Variants in FHIT observed in about 807,000 individuals in gnomAD.
The protein encoded by FHIT is bis(5'-adenosyl)-triphosphatase.
In FHIT, 19 loss-of-function variants were observed where a neutral mutation model predicts 17.9. The observed-to-expected ratio is 1.06, with a 90% CI of 0.74 to 1.56. The LOEUF (loss-of-function observed/expected upper bound fraction) is 1.56. Ranked by LOEUF, FHIT falls within the 40% of genes most tolerant of loss-of-function variation. FHIT has a pLI of 0.00. For synonymous variants in FHIT, 81 were observed against 69.7 expected (o/e 1.16, Z -0.81); for missense variants, 248 against 189.2 (o/e 1.31, Z -1.82).
At chr3:60,935,186 A>T (rs573960218) in intron 3 of FHIT, among the ~76,000 whole-genome samples, 69 of 152,328 alleles carry the variant, frequency 4.5e-4, no homozygotes, top group African/African-American at 1.6e-3. Flanking sequence ...CATTACAGTT[A>T]TTGTCAAATA....
chr3:59,984,037 C>T (rs182805301), intron 7 of FHIT, among the ~76,000 whole-genome samples: 2 of 152,220 alleles, frequency 1.3e-5, no homozygotes, highest in East Asian at 3.9e-4. Flanking sequence ...CTTAACTTTC[C>T]TGTGAATAAT....
chr3:60,935,353 C>T (rs988979705), intron 3 of FHIT, among the ~76,000 whole-genome samples: 1 of 152,100 alleles, frequency 6.6e-6, no homozygotes, highest in Admixed American at 6.6e-5. Flanking sequence ...ATTCCACTCT[C>T]GAGGTACACA....
At chr3:60,126,352 C>G (rs570824092) in intron 5 of FHIT, among the ~76,000 whole-genome samples, 2 of 152,118 alleles carry the variant, frequency 1.3e-5, no homozygotes, top group South Asian at 4.1e-4. Flanking sequence ...TTCTCTGGAG[C>G]GCAGCCTCAG....
At chr3:60,043,445 T>A (rs913340194) in intron 5 of FHIT, among the ~76,000 whole-genome samples, 63 of 152,190 alleles carry the variant, frequency 4.1e-4, no homozygotes, top group African/African-American at 1.5e-3. Flanking sequence ...TTTCACAAGG[T>A]GAGACTGATA....
Position 60,785,922 on chromosome 3 carries a change from C to T in FHIT, c.-18+35997G>A, listed in dbSNP as rs561674147. On this transcript the variant is annotated intron_variant, in intron 4 of 9. Transcript: ENST00000492590. ...ACACACACACACACACACACACACACACACACACACACAGAGAGAGTACTT... is the reference window on the plus strand; with the variant it reads ...ACACACACACACACACACACACACATACACACACACACAGAGAGAGTACTT... 5.6e-3 allele frequency among the ~76,000 whole-genome samples: 833 copies of T among 149,460 alleles called. 10 individuals are homozygous for T. The highest frequency in any genetic ancestry group is 0.019 in the African/African-American group (760 of 39,566).
At chr3:60,549,045 A>C (rs1041042198) in intron 4 of FHIT, among the ~76,000 whole-genome samples, 2 of 152,190 alleles carry the variant, frequency 1.3e-5, no homozygotes, top group Non-Finnish European at 2.9e-5. Flanking sequence ...AAAGCACTTA[A>C]ATATTTGATA....
chr3:59,752,319 G>A lies in FHIT; in HGVS notation c.351C>T (p.Leu117=), dbSNP rs1405239812. 6.2e-7 allele frequency: 1 copy of A among 1,608,668 alleles called. No homozygotes were observed. The highest frequency in any genetic ancestry group is 8.5e-7 in the Non-Finnish European group (1 of 1,178,146). ...FHRNDSIYEE[L]QKHDKEDFPA... The stretch of plus-strand genomic sequence containing the variant: ...GAAAGTCCTCCTTGTCATGTTTCTG[G>A]AGCTTTGGAGAAAAAAAAAGGAAGA... The change falls in exon 9 of 10, where the codon CTC becomes CTT. Residue 117 remains leucine (L), a splice_region_variant and synonymous_variant. Transcript: ENST00000492590.
chr3:59,864,758 G>A (rs1015919312), intron 8 of FHIT, among the ~76,000 whole-genome samples: 1 of 151,118 alleles, frequency 6.6e-6, no homozygotes, highest in Non-Finnish European at 1.5e-5. Context: ...TTCTGTGGAA[G>A]AAGGAAGAGG....
At chr3:60,595,385 T>A (rs553168542) in intron 4 of FHIT, among the ~76,000 whole-genome samples, 5 of 151,212 alleles carry the variant, frequency 3.3e-5, no homozygotes, top group African/African-American at 4.8e-5. Flanking sequence ...TTTTTTTTTT[T>A]TATACTTGGC....
intron 5 of FHIT, among the ~76,000 whole-genome samples, chr3:60,463,327 A>G (rs2734383): frequency 0.044 from 6,731 of 152,292 alleles, 184 homozygotes; most frequent in Middle Eastern, 0.1. Flanking sequence ...TGATATATCT[A>G]TACTTATTTC....
intron 8 of FHIT, among the ~76,000 whole-genome samples, chr3:59,817,330 TAC>T (rs1700634559): frequency 6.6e-6 from 1 of 152,018 alleles, no homozygotes; most frequent in Admixed American, 6.6e-5. Context: ...TACATGTTAT[TAC>T]CAGTTGGAAC....
intron 5 of FHIT, among the ~76,000 whole-genome samples, chr3:60,507,205 G>C (rs2034767983): frequency 6.6e-6 from 1 of 152,160 alleles, no homozygotes; most frequent in Non-Finnish European, 1.5e-5. Context: ...TTGGTAGAAT[G>C]AACAGGAGTT....
chr3:61,017,247 C>T (rs1394559107), intron 3 of FHIT, among the ~76,000 whole-genome samples: 3 of 152,160 alleles, frequency 2.0e-5, no homozygotes, highest in Admixed American at 6.5e-5. Context: ...TGAGATTGCG[C>T]CACTGCACTC....
At chr3:60,340,866 A>C (rs1413708586) in intron 5 of FHIT, among the ~76,000 whole-genome samples, 1 of 151,946 alleles carries the variant, frequency 6.6e-6, no homozygotes, top group African/African-American at 2.4e-5. Context: ...TAATTTTTGT[A>C]TTTTTAGTAG....
At chr3:60,852,416 G>A (rs1354267047) in intron 3 of FHIT, among the ~76,000 whole-genome samples, 20 of 152,042 alleles carry the variant, frequency 1.3e-4, no homozygotes, top group Non-Finnish European at 1.5e-5. Flanking sequence ...TACTGATTCT[G>A]TTTCTCTGGA....
chr3:60,141,109 G>A (rs1372017758), intron 5 of FHIT, among the ~76,000 whole-genome samples: 1 of 152,108 alleles, frequency 6.6e-6, no homozygotes, highest in Non-Finnish European at 1.5e-5. Flanking sequence ...ACATCAATCT[G>A]TCAGTCATCT....
At chr3:59,899,606 G>A (rs1009024750) in intron 8 of FHIT, among the ~76,000 whole-genome samples, 6 of 152,042 alleles carry the variant, frequency 3.9e-5, no homozygotes, top group African/African-American at 1.5e-4. Flanking sequence ...GGCCGAGGCG[G>A]ACGGATTGCC....
At chr3:60,805,137 T>C (rs556757966) in intron 4 of FHIT, among the ~76,000 whole-genome samples, 1 of 152,336 alleles carries the variant, frequency 6.6e-6, no homozygotes, top group South Asian at 2.1e-4. Context: ...AATCGTTTCT[T>C]AAGGACTTTC....
intron 5 of FHIT, among the ~76,000 whole-genome samples, chr3:60,507,472 T>C (rs1379329922): frequency 6.6e-6 from 1 of 152,178 alleles, no homozygotes. Context: ...AGGTTTTTTG[T>C]TTTGTTTTGT....
Sources: gnomAD v4.1 joint callset for allele counts (sites outside exome capture counted in the v4.1 genomes callset) on GRCh38, gnomAD v4.1.1 for gene constraint, MANE v1.5 for transcripts, NCBI Gene and HGNC (gene_info 2026-07-23, HGNC 2026-07-21) for gene names.